TENM3: variants seen among roughly 807,000 people sequenced by gnomAD.
The protein encoded by TENM3 is teneurin-3.
TENM3 carries 63 observed loss-of-function variants against 255.1 expected under a neutral mutation model. The ratio of observed to expected loss-of-function variants is 0.25; its 90% confidence interval spans 0.20 to 0.30. The LOEUF (loss-of-function observed/expected upper bound fraction) is 0.30. TENM3 is among the 10% of genes least tolerant of loss of function. The probability of loss-of-function intolerance (pLI) is 1.00; values close to 1 mark genes in which losing one functional copy is unlikely to be tolerated. For synonymous variants in TENM3, 1,306 were observed against 1,322.3 expected (o/e 0.99, Z 0.27); for missense variants, 2,929 against 3,461.1 (o/e 0.85, Z 3.86).
the TENM3 span, among the ~76,000 whole-genome samples, chr4:181,725,230 A>C: frequency 6.6e-6 from 1 of 151,410 alleles, no homozygotes; most frequent in Admixed American, 6.6e-5. Flanking sequence ...CTCTTTTCTC[A>C]CTCTTCCTAT....
At chr4:182,248,684 C>T (rs772957303) in intron 1 of TENM3, among the ~76,000 whole-genome samples, 5 of 152,136 alleles carry the variant, frequency 3.3e-5, no homozygotes, top group Admixed American at 6.5e-5. Flanking sequence ...AAGGAGACCA[C>T]GATTTTCCTT....
the TENM3 span, among the ~76,000 whole-genome samples, chr4:182,102,110 T>C: frequency 6.6e-6 from 1 of 152,176 alleles, no homozygotes; most frequent in Non-Finnish European, 1.5e-5. Flanking sequence ...TGAACTCAGA[T>C]GGCTACAACC....
the TENM3 span, among the ~76,000 whole-genome samples, chr4:181,454,734 T>C: frequency 1.5e-5 from 2 of 135,150 alleles, no homozygotes; most frequent in African/African-American, 5.2e-5. Context: ...TCCTTACCAT[T>C]GTGTTACAAT....
At chr4:181,733,584 C>T in the TENM3 span, among the ~76,000 whole-genome samples, 4 of 152,258 alleles carry the variant, frequency 2.6e-5, no homozygotes, top group South Asian at 4.1e-4. Flanking sequence ...TCCATTTCAT[C>T]TGGTGGGCAT....
At chr4:182,634,439 T>C (rs964649177) in intron 5 of TENM3, among the ~76,000 whole-genome samples, 1 of 152,150 alleles carries the variant, frequency 6.6e-6, no homozygotes, top group African/African-American at 2.4e-5. Context: ...ATCCCAGTTT[T>C]TAAAAATCAA....
the TENM3 span, among the ~76,000 whole-genome samples, chr4:181,811,553 T>C: frequency 1.3e-5 from 2 of 152,190 alleles, no homozygotes; most frequent in African/African-American, 4.8e-5. Flanking sequence ...TGAGACTGGG[T>C]AATTTATGAA....
the TENM3 span, among the ~76,000 whole-genome samples, chr4:181,769,742 A>G: frequency 1.3e-5 from 2 of 152,330 alleles, no homozygotes; most frequent in East Asian, 1.9e-4. Context: ...TGTTTTGAGA[A>G]TAAAATACAT....
intron 5 of TENM3, among the ~76,000 whole-genome samples, chr4:182,652,808 A>T (rs1279571854): frequency 6.6e-6 from 1 of 152,236 alleles, no homozygotes; most frequent in African/African-American, 2.4e-5. Flanking sequence ...GTTCTCTTTC[A>T]TGATATGGTA....
the TENM3 span, among the ~76,000 whole-genome samples, chr4:181,620,804 A>G: frequency 6.6e-6 from 1 of 152,196 alleles, no homozygotes; most frequent in African/African-American, 2.4e-5. Flanking sequence ...TGTGCCTGGG[A>G]CATGTGATTT....
chr4:182,261,917 G>A (rs1246854076), intron 1 of TENM3, among the ~76,000 whole-genome samples: 1 of 152,078 alleles, frequency 6.6e-6, no homozygotes, highest in African/African-American at 2.4e-5. Context: ...CAGAGTAAAG[G>A]CTCATTTGAA....
At chr4:181,764,255 GA>G in the TENM3 span, among the ~76,000 whole-genome samples, 1 of 5,624 alleles carries the variant, frequency 1.8e-4, no homozygotes, top group Admixed American at 3.6e-3. Flanking sequence ...AACAGGAGAA[GA>G]GAGAGATTTG....
chr4:182,708,234 C>G (rs1280635580), intron 12 of TENM3, among the ~76,000 whole-genome samples: 1 of 152,060 alleles, frequency 6.6e-6, no homozygotes, highest in African/African-American at 2.4e-5. Flanking sequence ...ACAAAGGAAG[C>G]CTTTATTATT....
chr4:181,546,685 G>C, the TENM3 span, among the ~76,000 whole-genome samples: 2 of 135,512 alleles, frequency 1.5e-5, no homozygotes, highest in Non-Finnish European at 3.1e-5. Context: ...CTGCACTCCA[G>C]CCTGGGCGAC....
chr4:182,547,701 G>A (rs1005059039), intron 3 of TENM3, among the ~76,000 whole-genome samples: 13 of 152,130 alleles, frequency 8.5e-5, no homozygotes, highest in African/African-American at 3.1e-4. Flanking sequence ...ATAGAAAGAA[G>A]ATGACAGCTT....
the TENM3 span, among the ~76,000 whole-genome samples, chr4:181,679,192 C>T: frequency 6.6e-6 from 1 of 152,086 alleles, no homozygotes; most frequent in African/African-American, 2.4e-5. Context: ...AAGCACCAAC[C>T]TATAACCAAT....
chr4:182,372,286 C>T (rs1380945779), intron 3 of TENM3, among the ~76,000 whole-genome samples: 1 of 152,114 alleles, frequency 6.6e-6, no homozygotes, highest in Non-Finnish European at 1.5e-5. Flanking sequence ...AATATATGTA[C>T]TGTCAACAGA....
chr4:182,761,812 A>T (rs1262311494), intron 22 of TENM3, among the ~76,000 whole-genome samples: 4 of 152,210 alleles, frequency 2.6e-5, no homozygotes, highest in Non-Finnish European at 5.9e-5. Context: ...TAGTAGAATC[A>T]AATAGTTTAT....
chr4:182,066,155 C>A, the TENM3 span, among the ~76,000 whole-genome samples: 3 of 152,178 alleles, frequency 2.0e-5, no homozygotes, highest in African/African-American at 7.2e-5. Flanking sequence ...CACACCAACA[C>A]TTTTTCCCCA....
the TENM3 span, among the ~76,000 whole-genome samples, chr4:181,491,688 G>T: frequency 4.6e-5 from 7 of 152,086 alleles, no homozygotes; most frequent in Non-Finnish European, 7.4e-5. Context: ...GTTAAGTAAT[G>T]ATTTTCTTGA....
Sources: gnomAD v4.1 joint callset for allele counts (sites outside exome capture counted in the v4.1 genomes callset) on GRCh38, gnomAD v4.1.1 for gene constraint, MANE v1.5 for transcripts, NCBI Gene and HGNC (gene_info 2026-07-23, HGNC 2026-07-21) for gene names.